Variants in DCLK2 observed in about 807,000 individuals in gnomAD.
DCLK2 encodes the protein serine/threonine-protein kinase DCLK2.
DCLK2 carries 31 observed loss-of-function variants against 78.4 expected under a neutral mutation model. The ratio of observed to expected loss-of-function variants is 0.40; its 90% CI spans 0.30 to 0.53. The LOEUF (loss-of-function observed/expected upper bound fraction) is 0.53, where lower values mean the gene tolerates loss of function less well. DCLK2 is among the 20% of genes least tolerant of loss of function. The pLI, the probability that DCLK2 is intolerant of heterozygous loss-of-function variation, is 0.61. For missense variants in DCLK2, 872 were observed against 973.7 expected (o/e 0.90, Z 1.39); for synonymous variants, 407 against 374.9 (o/e 1.09, Z -0.99).
chr4:150,240,695 C>T (rs963942397), intron 12 of DCLK2, among the ~76,000 whole-genome samples: 3 of 139,182 alleles, frequency 2.2e-5, no homozygotes, highest in African/African-American at 8.1e-5. Context: ...CACATGTATA[C>T]ATATGTAACT....
In DCLK2 at chr4:150,202,675, C is replaced by T. The variant is rs189342951; in HGVS notation, c.962-1120C>T. ...AATAGTTGTCGCTCTCTCATCTTTT[C>T]TTTAAAAAAGAATAAAAAGCAAATG... On this transcript the variant is annotated intron_variant, in intron 4 of 15. Transcript: ENST00000296550. Among the ~76,000 whole-genome samples the T allele has an allele frequency of 9.0e-3, 1,371 of 152,146 alleles. 11 individuals carry two copies. Among genetic ancestry groups the T allele is most frequent in the Non-Finnish European group, 0.013 (913 of 67,974 alleles).
chr4:150,143,075 G>C (rs993736220), intron 2 of DCLK2, among the ~76,000 whole-genome samples: 1 of 152,056 alleles, frequency 6.6e-6, no homozygotes, highest in Non-Finnish European at 1.5e-5. Flanking sequence ...TAGGATAGTG[G>C]CCTCCAGCTC....
chr4:150,107,172 GA>G (rs1170315005), intron 2 of DCLK2, among the ~76,000 whole-genome samples: 2 of 152,190 alleles, frequency 1.3e-5, no homozygotes, highest in East Asian at 3.9e-4. Context: ...CTGAGATTCA[GA>G]AATCCTGGTG....
chr4:150,251,714 A>C (rs113696612), intron 15 of DCLK2, among the ~76,000 whole-genome samples: 84 of 13,522 alleles, frequency 6.2e-3, no homozygotes, highest in East Asian at 0.012. Context: ...ACACACCCCC[A>C]ACACCCCCAC....
rs1051140040 is a variant in DCLK2 at position 150,183,146 on chromosome 4, G to A, written c.757-9992G>A. 2.6e-5 allele frequency among the ~76,000 whole-genome samples: 4 copies of A among 152,284 alleles called. No homozygotes were observed. The East Asian group carries it at 7.7e-4, about 29-fold the overall frequency. ...AGGGCTAGGATTTTCCCTTTACTCTGTTTAGATAAGTAGATGCCAGTTTAA... is the reference window on the plus strand; with the variant it reads ...AGGGCTAGGATTTTCCCTTTACTCTATTTAGATAAGTAGATGCCAGTTTAA... On this transcript the variant is annotated intron_variant, in intron 2 of 15. Coordinates refer to ENST00000296550, the MANE Select transcript of DCLK2 (RefSeq NM_001040260.4).
chr4:150,235,656 C>T (rs1192795670), intron 10 of DCLK2, among the ~76,000 whole-genome samples: 9 of 152,092 alleles, frequency 5.9e-5, no homozygotes, highest in Admixed American at 3.3e-4. Context: ...AATGTGTTTG[C>T]GATTGAAAAC....
At chr4:150,188,428 A>C (rs996954597) in intron 2 of DCLK2, among the ~76,000 whole-genome samples, 3 of 152,194 alleles carry the variant, frequency 2.0e-5, no homozygotes, top group Non-Finnish European at 4.4e-5. Flanking sequence ...AGATCGCAAC[A>C]CTGCACTCCA....
intron 12 of DCLK2, among the ~76,000 whole-genome samples, chr4:150,246,958 A>G (rs1281566480): frequency 1.3e-5 from 2 of 152,124 alleles, no homozygotes; most frequent in Non-Finnish European, 2.9e-5. Context: ...GTCAGTTTCC[A>G]AGAGTGAACT....
intron 2 of DCLK2, among the ~76,000 whole-genome samples, chr4:150,142,189 A>G (rs1261835037): frequency 2.0e-5 from 3 of 152,200 alleles, no homozygotes; most frequent in Non-Finnish European, 4.4e-5. Flanking sequence ...TGAATCTCTC[A>G]TTCATCACTC....
rs184392654 is a variant in DCLK2, at chr4:150,222,502, T to G, written c.1241+717T>G. 2.2e-4 allele frequency among the ~76,000 whole-genome samples: 33 copies of G among 152,248 alleles called. 1 individual carries two copies. The highest frequency in any genetic ancestry group is 3.4e-3 in the Middle Eastern group (1 of 294). On this transcript the variant is annotated intron_variant, in intron 7 of 15. Coordinates refer to ENST00000296550, the MANE Select transcript of DCLK2 (RefSeq NM_001040260.4). ...ATCCTCCCTCTCAGTTAATACTTAA[T>G]GGAATATTCCAGTAGTTCAGGACAT...
At chr4:150,244,079 G>A (rs1451963766) in intron 12 of DCLK2, among the ~76,000 whole-genome samples, 5 of 151,864 alleles carry the variant, frequency 3.3e-5, no homozygotes, top group African/African-American at 1.2e-4. Flanking sequence ...GACCACATGT[G>A]TGCACCACTA....
intron 5 of DCLK2, among the ~76,000 whole-genome samples, chr4:150,216,496 G>A (rs375829084): frequency 2.0e-5 from 3 of 152,092 alleles, no homozygotes; most frequent in East Asian, 1.9e-4. Flanking sequence ...AAAATTAGTC[G>A]GGCGTGGTGG....
intron 5 of DCLK2, among the ~76,000 whole-genome samples, chr4:150,217,633 T>C (rs1372402189): frequency 1.3e-5 from 2 of 152,234 alleles, no homozygotes; most frequent in Admixed American, 6.5e-5. Context: ...TTCATCTTCT[T>C]ATCCCTTAAA....
At chr4:150,193,569 G>A (rs1038318298) in intron 3 of DCLK2, among the ~76,000 whole-genome samples, 13 of 152,180 alleles carry the variant, frequency 8.5e-5, no homozygotes, top group African/African-American at 2.9e-4. Context: ...CAGAATGGTG[G>A]TTGGCTGTGC....
At chr4:150,240,529 C>A in intron 12 of DCLK2, 53 bp downstream of exon 12, 1 of 1,514,392 alleles carries the variant, frequency 6.6e-7, no homozygotes, top group Non-Finnish European at 9.0e-7. Context: ...TCCCTTGGGT[C>A]CAGAAGCAGG....
Position 150,200,071 on chromosome 4 carries a change from A to G in DCLK2, c.961+1968A>G, listed in dbSNP as rs2126432630. Among the ~76,000 whole-genome samples, 5 of 152,342 alleles carry G rather than the reference A, an allele frequency of 3.3e-5. No individual in the cohort carries two copies. The South Asian group carries it at 1.0e-3, about 32-fold the overall frequency. ...GTGGTTCAAGAATCGGGTGTGATTA[A>G]TTCAATTTTGTCCCCCTGAGGTCAA... On this transcript the variant is annotated intron_variant, in intron 4 of 15. Transcript: ENST00000296550.
intron 2 of DCLK2, among the ~76,000 whole-genome samples, chr4:150,155,308 A>G (rs986072693): frequency 1.3e-5 from 2 of 152,228 alleles, no homozygotes; most frequent in Non-Finnish European, 2.9e-5. Context: ...ACCAGCATTA[A>G]CAACCTACAG....
At chr4:150,213,041 A>C (rs997192263) in intron 5 of DCLK2, among the ~76,000 whole-genome samples, 3 of 152,230 alleles carry the variant, frequency 2.0e-5, no homozygotes, top group Admixed American at 6.5e-5. Context: ...GCAAGTAGGC[A>C]TGGTCACACC....
At chr4:150,140,725 G>GT (rs557930970) in intron 2 of DCLK2, among the ~76,000 whole-genome samples, 4 of 152,068 alleles carry the variant, frequency 2.6e-5, no homozygotes, top group Non-Finnish European at 5.9e-5. Flanking sequence ...TTTAAAATGA[G>GT]TTTTTTATAG....
Sources: allele counts gnomAD v4.1 joint callset (sites outside exome capture counted in the v4.1 genomes callset), GRCh38; gene constraint gnomAD v4.1.1; transcripts MANE v1.5; gene names NCBI Gene and HGNC (gene_info 2026-07-23, HGNC 2026-07-21).